The following ALOX15B variants were observed in gnomAD, a reference collection of about 807,000 sequenced individuals.
ALOX15B encodes the protein arachidonate 15-lipoxygenase type B.
Under a neutral mutation model 73.8 loss-of-function variants are expected in ALOX15B, and 74 were observed. That is an observed-to-expected ratio of 1.00 (90% CI 0.83 to 1.22). ALOX15B has a LOEUF of 1.22. Ranked by LOEUF, ALOX15B falls within the 50% of genes most tolerant of loss-of-function variation. The pLI is 0.00. For synonymous variants in ALOX15B, 353 were observed against 357.2 expected (o/e 0.99, Z 0.13); for missense variants, 896 against 859.9 (o/e 1.04, Z -0.52).
rs760084804 is a variant in ALOX15B at position 8,046,922 on chromosome 17, A to G, written c.1303A>G (p.Ile435Val). The change falls in exon 10 of 14, where the codon ATT becomes GTT. Residue 435 changes from isoleucine (I) to valine (V), a missense_variant. Transcript: ENST00000380183. ...QVVDRSTGIG[I>V]EGFSELIQRN... ...TGTCTCTCAGTCCACAGGCATCGGC[A>G]TTGAAGGCTTCTCTGAGTTGATACA... 1.2e-6 allele frequency: 2 copies of G among 1,614,170 alleles called. No homozygotes were observed. Among genetic ancestry groups the G allele is most frequent in the South Asian group, 2.2e-5 (2 of 91,076 alleles).
chr17:8,043,782 G>A (rs897790689), intron 5 of ALOX15B, among the ~76,000 whole-genome samples: 1 of 152,108 alleles, frequency 6.6e-6, no homozygotes, highest in African/African-American at 2.4e-5. Context: ...AGGTCCCCAG[G>A]CTCCGGCTGG....
chr17:8,042,431 A>G lies in ALOX15B; in HGVS notation c.512A>G (p.Glu171Gly). The G allele has an allele frequency of 6.2e-7, 1 of 1,614,070 alleles. No homozygotes were observed. The highest frequency in any genetic ancestry group is 8.5e-7 in the Non-Finnish European group (1 of 1,180,018). The change falls in exon 4 of 14, where the codon GAG becomes GGG. Residue 171 changes from glutamate to glycine, a missense_variant. By Grantham distance (98) the Glu-to-Gly change is moderately conservative (BLOSUM62 -2). Coordinates refer to ENST00000380183, the MANE Select transcript of ALOX15B (RefSeq NM_001141.3). ...CLDEKTVEDL[E>G]LNIKYSTAKN... ...GATGAAAAGACAGTGGAAGACTTGG[A>G]GCTCAATATCAAATACTCCACAGCC...
intron 3 of ALOX15B, among the ~76,000 whole-genome samples, chr17:8,040,601 G>GAGA (rs1976419764): frequency 9.1e-6 from 1 of 109,462 alleles, no homozygotes; most frequent in African/African-American, 3.7e-5. Context: ...AAGAAAGAGA[G>GAGA]AGAAAGAAAG....
intron 3 of ALOX15B, among the ~76,000 whole-genome samples, chr17:8,041,453 T>G (rs993068333): frequency 6.6e-6 from 1 of 152,212 alleles, no homozygotes; most frequent in African/African-American, 2.4e-5. Flanking sequence ...TCAGATCCAT[T>G]GCAACAGCAT....
At chr17:8,040,774 G>A (rs1275206307) in intron 3 of ALOX15B, among the ~76,000 whole-genome samples, 2 of 151,952 alleles carry the variant, frequency 1.3e-5, no homozygotes, top group East Asian at 1.9e-4. Context: ...CCAGAAACAC[G>A]CCCTTCAAGC....
chr17:8,042,404 T>C lies in ALOX15B; in HGVS notation c.485T>C (p.Leu162Pro). ...KAYNPGWPHC[L>P]DEKTVEDLEL... is the part of the protein sequence containing the mutation. Reference sequence around the variant, plus strand: ...TACAACCCAGGTTGGCCTCACTGCCTGGATGAAAAGACAGTGGAAGACTTG... The same window carrying C: ...TACAACCCAGGTTGGCCTCACTGCCCGGATGAAAAGACAGTGGAAGACTTG... Residue 162 changes from leucine to proline, a missense_variant, in exon 4 of 14, where the codon CTG becomes CCG. By Grantham distance (98) the Leu-to-Pro change is moderately conservative. Coordinates refer to ENST00000380183, the MANE Select transcript of ALOX15B (RefSeq NM_001141.3). The C allele has an allele frequency of 6.2e-7, 1 of 1,614,130 alleles. No individual in the cohort carries two copies. Among genetic ancestry groups the C allele is most frequent in the South Asian group, 1.1e-5 (1 of 91,088 alleles).
At chr17:8,040,473 T>G (rs1598161138) in intron 3 of ALOX15B, among the ~76,000 whole-genome samples, 1 of 135,676 alleles carries the variant, frequency 7.4e-6, no homozygotes, top group African/African-American at 2.8e-5. Flanking sequence ...TGAACCCGGG[T>G]GGTGGAGGTT....
chr17:8,046,388 T>C (rs2235097), intron 8 of ALOX15B, among the ~76,000 whole-genome samples: 4,745 of 152,270 alleles, frequency 0.031, 153 homozygotes, highest in East Asian at 0.15. Flanking sequence ...AATCACAGGA[T>C]GCCAGAGCCG....
rs763312932 is a variant in ALOX15B at position 8,039,184 on chromosome 17, C to A, written c.29C>A (p.Thr10Asn). Residue 10 changes from threonine to asparagine, a missense_variant, in exon 1 of 14, where the codon ACC becomes AAC. Coordinates refer to ENST00000380183, the MANE Select transcript of ALOX15B (RefSeq NM_001141.3). MAEFRVRVSTGEAFGAGTWD... is the reference protein window; with the variant it reads MAEFRVRVSNGEAFGAGTWD... ...GCCGAGTTCAGGGTCAGGGTGTCCA[C>A]CGGAGAAGCCTTCGGGGCTGGCACA... 3 of 1,613,304 alleles carry A rather than the reference C, an allele frequency of 1.9e-6. No homozygotes were observed. The highest frequency in any genetic ancestry group is 2.5e-6 in the Non-Finnish European group (3 of 1,179,686).
chr17:8,044,976 G>A lies in ALOX15B; in HGVS notation c.824G>A (p.Gly275Glu). 6.2e-7 allele frequency: 1 copy of A among 1,614,110 alleles called. No homozygotes were observed. Among genetic ancestry groups the A allele is most frequent in the Non-Finnish European group, 8.5e-7 (1 of 1,180,020 alleles). Residue 275 changes from glycine (G) to glutamate (E), a missense_variant, in exon 6 of 14, where the codon GGG becomes GAG. Gly to Glu is a moderately conservative substitution (Grantham distance 98, BLOSUM62 -2). Transcript: ENST00000380183. ...ATGGTGGCCTCAGTGTTGGGTCCTG[G>A]GACCAGCTTGCAGGCTGAGCTAGAG... ...DAMVASVLGPGTSLQAELEKG... is the reference protein window; with the variant it reads ...DAMVASVLGPETSLQAELEKG...
At chr17:8,040,969 A>C (rs1363931890) in intron 3 of ALOX15B, among the ~76,000 whole-genome samples, 3 of 152,018 alleles carry the variant, frequency 2.0e-5, no homozygotes, top group Non-Finnish European at 4.4e-5. Flanking sequence ...TTTTCAAAAG[A>C]TCTTGATCCG....
At position 8,047,276 on chromosome 17, in the gene ALOX15B, C is replaced by T. The variant is rs565302907; in HGVS notation, c.1476C>T (p.Ile492=). ...GAVERFVSEI[I]GIYYPSDESV... is the part of the protein sequence containing the mutation. ...ATTGCAGCTTTGTCTCTGAAATCAT[C>T]GGTATCTACTACCCAAGTGATGAGT... The change falls in exon 11 of 14, where the codon ATC becomes ATT. Residue 492 remains isoleucine, a synonymous_variant. Coordinates refer to ENST00000380183, the MANE Select transcript of ALOX15B (RefSeq NM_001141.3). The T allele has an allele frequency of 1.0e-4, 163 of 1,614,014 alleles. No individual in the cohort carries two copies. In the South Asian group the frequency reaches 1.7e-3, roughly 17 times the overall value.
chr17:8,042,966 C>A, intron 5 of ALOX15B, 82 bp downstream of exon 5: 2 of 1,170,474 alleles, frequency 1.7e-6, no homozygotes, highest in Non-Finnish European at 2.5e-6. Context: ...GAAAACCAAG[C>A]ACCAATTTGC....
chr17:8,047,158 C>T, intron 10 of ALOX15B, 82 bp downstream of exon 10: 1 of 1,606,824 alleles, frequency 6.2e-7, no homozygotes, highest in Admixed American at 1.7e-5. Flanking sequence ...CAGGGAGGCT[C>T]ACGTTGAGGA....
chr17:8,048,286 C>G (rs1272464264), intron 13 of ALOX15B, 100 bp from the exon 14 acceptor site: 1 of 1,424,540 alleles, frequency 7.0e-7, no homozygotes, highest in Admixed American at 2.2e-5. Context: ...AGGGCCAGAG[C>G]TGGCTAAGGC....
At chr17:8,040,633 AAG>A (rs771333025) in intron 3 of ALOX15B, among the ~76,000 whole-genome samples, 260 of 131,626 alleles carry the variant, frequency 2.0e-3, no homozygotes, top group Non-Finnish European at 3.6e-3. Context: ...GAAAGAAAGA[AAG>A]AAAGAAAGAA....
rs1976561518 is a variant in ALOX15B at position 8,044,863 on chromosome 17, C to T, written c.711C>T (p.Phe237=). 1.2e-6 allele frequency: 2 copies of T among 1,608,308 alleles called. No homozygotes were observed. Among genetic ancestry groups the T allele is most frequent in the African/African-American group, 2.7e-5 (2 of 74,634 alleles). The change falls in exon 6 of 14, where the codon TTC becomes TTT. Residue 237 remains phenylalanine, a synonymous_variant. Transcript: ENST00000380183. ...HAFEHWQEDA[F]FASQFLNGLN... ...TTGAGCACTGGCAGGAGGACGCCTT[C>T]TTCGCCTCCCAGTTCCTGAATGGTC...
rs759172454 is a variant in ALOX15B, at chr17:8,039,450, A to AG, written c.214dup (p.Ala72GlyfsTer93). ...CGAGTGCTGCTGCTGCGCGTGCACA[A>AG]GGCGCCCCCAGTGCTGCCCCTGCTG... On this transcript the variant is annotated frameshift_variant, in exon 2 of 14. Coordinates refer to ENST00000380183, the MANE Select transcript of ALOX15B (RefSeq NM_001141.3). LOFTEE classifies it high-confidence loss of function. 2.5e-6 allele frequency: 4 copies of AG among 1,608,624 alleles called. No homozygotes were observed. Among genetic ancestry groups the AG allele is most frequent in the Non-Finnish European group, 2.5e-6 (3 of 1,178,250 alleles).
At chr17:8,041,350 G>A (rs1266039175) in intron 3 of ALOX15B, among the ~76,000 whole-genome samples, 1 of 152,258 alleles carries the variant, frequency 6.6e-6, no homozygotes, top group African/African-American at 2.4e-5. Context: ...CAGCTGCTAA[G>A]TCTTGCACAA....
Sources: gnomAD v4.1 joint callset for allele counts (sites outside exome capture counted in the v4.1 genomes callset) on GRCh38, gnomAD v4.1.1 for gene constraint, MANE v1.5 for transcripts, NCBI Gene and HGNC (gene_info 2026-07-23, HGNC 2026-07-21) for gene names.